The following CNTNAP2 variants were observed in gnomAD, a reference collection of about 807,000 sequenced individuals.
CNTNAP2 encodes the protein contactin-associated protein-like 2.
A neutral mutation model predicts 155.2 loss-of-function variants in CNTNAP2; 98 were observed. That is an observed-to-expected ratio of 0.63 (90% CI 0.54 to 0.75). The LOEUF (loss-of-function observed/expected upper bound fraction) is 0.75. Among genes scored for constraint, CNTNAP2 ranks in the 30% least tolerant of loss-of-function variants. The pLI is 0.00. For synonymous variants in CNTNAP2, 651 were observed against 631.2 expected, an observed-to-expected ratio of 1.03 and a Z score of -0.47; for missense variants, 1,727 against 1,688.1, an observed-to-expected ratio of 1.02 and a Z score of -0.40.
chr7:147,714,796 C>T (rs1485437997), intron 13 of CNTNAP2, among the ~76,000 whole-genome samples: 2 of 152,000 alleles, frequency 1.3e-5, no homozygotes, highest in Non-Finnish European at 2.9e-5. Flanking sequence ...TGTACCATTA[C>T]CAGAAGACTT....
intron 13 of CNTNAP2, among the ~76,000 whole-genome samples, chr7:147,813,266 G>A (rs1438913274): frequency 6.6e-6 from 1 of 152,120 alleles, no homozygotes; most frequent in Non-Finnish European, 1.5e-5. Flanking sequence ...TCTCACCAGG[G>A]GAAGTTCAAA....
intron 1 of CNTNAP2, among the ~76,000 whole-genome samples, chr7:146,526,694 T>A (rs564348613): frequency 6.6e-6 from 1 of 152,160 alleles, no homozygotes; most frequent in South Asian, 2.1e-4. Flanking sequence ...CTATTGTCTG[T>A]TTCGTTCATT....
At chr7:147,070,650 G>A (rs1799872669) in intron 4 of CNTNAP2, among the ~76,000 whole-genome samples, 1 of 152,200 alleles carries the variant, frequency 6.6e-6, no homozygotes, top group Admixed American at 6.5e-5. Flanking sequence ...TCATTAAACT[G>A]AAAGAGTCAT....
chr7:148,252,602 C>G (rs1015670151), intron 20 of CNTNAP2, among the ~76,000 whole-genome samples: 3 of 152,148 alleles, frequency 2.0e-5, no homozygotes, highest in Non-Finnish European at 2.9e-5. Flanking sequence ...GAGAGGGGTA[C>G]ACAGCACATT....
At chr7:148,224,826 G>A (rs536738029) in intron 19 of CNTNAP2, among the ~76,000 whole-genome samples, 2 of 152,132 alleles carry the variant, frequency 1.3e-5, no homozygotes, top group African/African-American at 4.8e-5. Flanking sequence ...TCACATGGCG[G>A]CAGGAGGGAG....
intron 15 of CNTNAP2, chr7:148,056,633 A>G (rs1803015670): frequency 6.6e-6 from 1 of 152,186 alleles, no homozygotes; most frequent in African/African-American, 2.4e-5. Flanking sequence ...TGAATATGAG[A>G]TGAAGACAGG....
chr7:148,326,481 A>G (rs959862906), intron 21 of CNTNAP2, among the ~76,000 whole-genome samples: 5 of 152,058 alleles, frequency 3.3e-5, no homozygotes, highest in East Asian at 1.9e-4. Flanking sequence ...CCTCACTCCC[A>G]TGATTCTGGA....
intron 13 of CNTNAP2, among the ~76,000 whole-genome samples, chr7:147,769,978 A>T (rs143581201): frequency 4.1e-4 from 63 of 152,270 alleles, no homozygotes; most frequent in African/African-American, 1.4e-3. Context: ...GACTCTACTG[A>T]CTTTTTTCGT....
intron 12 of CNTNAP2, among the ~76,000 whole-genome samples, chr7:147,572,621 T>G (rs1800317199): frequency 1.3e-5 from 2 of 152,056 alleles, no homozygotes; most frequent in Non-Finnish European, 2.9e-5. Flanking sequence ...GGCTAGGGAC[T>G]GTTGTTTGAT....
intron 3 of CNTNAP2, among the ~76,000 whole-genome samples, chr7:146,901,825 T>C (rs1223105868): frequency 6.6e-6 from 1 of 151,994 alleles, no homozygotes; most frequent in Non-Finnish European, 1.5e-5. Flanking sequence ...AGGAGTATAT[T>C]TGTTGCTCTT....
At chr7:146,316,528 C>T (rs1052152172) in intron 1 of CNTNAP2, among the ~76,000 whole-genome samples, 1 of 151,784 alleles carries the variant, frequency 6.6e-6, no homozygotes, top group Non-Finnish European at 1.5e-5. Flanking sequence ...AATTAGGACC[C>T]CGGGGGTGAT....
At chr7:147,596,186 T>C (rs1218518148) in intron 12 of CNTNAP2, among the ~76,000 whole-genome samples, 1 of 152,224 alleles carries the variant, frequency 6.6e-6, no homozygotes, top group African/African-American at 2.4e-5. Flanking sequence ...ATTATTCATT[T>C]AGACAAAAAA....
chr7:147,778,541 C>CTGATT (rs1554433698), intron 13 of CNTNAP2, among the ~76,000 whole-genome samples: 1 of 152,222 alleles, frequency 6.6e-6, no homozygotes, highest in Non-Finnish European at 1.5e-5. Context: ...GATTAGCCCA[C>CTGATT]TGATTGATAA....
intron 9 of CNTNAP2, among the ~76,000 whole-genome samples, chr7:147,304,922 C>A (rs899499585): frequency 3.3e-5 from 5 of 152,148 alleles, no homozygotes; most frequent in Non-Finnish European, 7.3e-5. Context: ...TAATGAGAAG[C>A]TGCAGACAAC....
At chr7:147,212,339 C>T (rs1803167652) in intron 8 of CNTNAP2, among the ~76,000 whole-genome samples, 1 of 152,104 alleles carries the variant, frequency 6.6e-6, no homozygotes. Context: ...ATGGAATCAA[C>T]CTAGGTACCC....
At chr7:147,173,860 A>G (rs376825934) in intron 8 of CNTNAP2, among the ~76,000 whole-genome samples, 1 of 152,144 alleles carries the variant, frequency 6.6e-6, no homozygotes, top group African/African-American at 2.4e-5. Context: ...GGTGGTTCTG[A>G]CCGCTGTAAA....
At chr7:147,943,463 C>G (rs1800761772) in intron 14 of CNTNAP2, among the ~76,000 whole-genome samples, 1 of 151,986 alleles carries the variant, frequency 6.6e-6, no homozygotes, top group South Asian at 2.1e-4. Flanking sequence ...ACTCTGAAAG[C>G]TGTATAAAAA....
At chr7:147,528,781 T>C (rs1799376818) in intron 11 of CNTNAP2, among the ~76,000 whole-genome samples, 1 of 152,178 alleles carries the variant, frequency 6.6e-6, no homozygotes, top group South Asian at 2.1e-4. Context: ...TGATTCTATA[T>C]GTAAATCTGT....
intron 12 of CNTNAP2, among the ~76,000 whole-genome samples, chr7:147,623,515 A>G (rs896800189): frequency 6.6e-6 from 1 of 152,104 alleles, no homozygotes; most frequent in African/African-American, 2.4e-5. Flanking sequence ...CAATAGCCAC[A>G]GATAAAATTA....
Sources: allele counts gnomAD v4.1 joint callset (sites outside exome capture counted in the v4.1 genomes callset), GRCh38; gene constraint gnomAD v4.1.1; transcripts MANE v1.5; gene names NCBI Gene and HGNC (gene_info 2026-07-23, HGNC 2026-07-21).